Variants in BMPR1A observed in about 807,000 individuals in gnomAD.
BMPR1A encodes the protein bone morphogenetic protein receptor type-1A.
Under a neutral mutation model 66.0 loss-of-function variants are expected in BMPR1A, and 7 were observed. That is an observed-to-expected ratio of 0.11 (90% CI 0.06 to 0.20). The LOEUF is 0.20. Ranked by LOEUF, BMPR1A falls within the 10% of genes least tolerant of loss-of-function variation. The pLI is 1.00. For synonymous variants in BMPR1A, 200 were observed against 229.7 expected, an observed-to-expected ratio of 0.87 and a Z score of 1.17; for missense variants, 408 against 669.1, an observed-to-expected ratio of 0.61 and a Z score of 4.31.
intron 3 of BMPR1A, among the ~76,000 whole-genome samples, chr10:86,876,559 G>A (rs902657971): frequency 3.3e-5 from 5 of 152,100 alleles, no homozygotes; most frequent in Admixed American, 6.6e-5. Flanking sequence ...CGAGGTGGGC[G>A]GATCATGAGG....
At chr10:86,882,762 C>T (rs1281081590) in intron 3 of BMPR1A, among the ~76,000 whole-genome samples, 2 of 151,166 alleles carry the variant, frequency 1.3e-5, no homozygotes, top group Non-Finnish European at 2.9e-5. Context: ...GTCAGGAGTT[C>T]GAGACCAGCC....
intron 3 of BMPR1A, among the ~76,000 whole-genome samples, chr10:86,883,632 G>A (rs766601848): frequency 2.7e-5 from 4 of 150,390 alleles, no homozygotes; most frequent in South Asian, 4.2e-4. Context: ...TTAGCCGGGC[G>A]TGGTGGCAGG....
intron 7 of BMPR1A, among the ~76,000 whole-genome samples, chr10:86,901,000 C>T (rs949092166): frequency 6.6e-6 from 1 of 152,242 alleles, no homozygotes; most frequent in Admixed American, 6.5e-5. Flanking sequence ...GCAAAAGTGA[C>T]TTCCAAGTCT....
At chr10:86,853,135 C>T (rs868297200) in intron 2 of BMPR1A, among the ~76,000 whole-genome samples, 6 of 152,062 alleles carry the variant, frequency 3.9e-5, no homozygotes, top group East Asian at 3.9e-4. Context: ...ACAATTTAAA[C>T]GTCAATTTTC....
rs528806191 is a variant in BMPR1A, at chr10:86,776,879, A to G, written c.-268+19960A>G. Among the ~76,000 whole-genome samples, 17 of 152,132 alleles carry G rather than the reference A, an allele frequency of 1.1e-4. No homozygotes were observed. In the East Asian group the frequency reaches 3.3e-3, roughly 29 times the overall value. ...TGACTTCCTGCAAAGTTTCCACCCTACCTCAGCTATCATGGTCATACCCCA... is the reference window on the plus strand; with the variant it reads ...TGACTTCCTGCAAAGTTTCCACCCTGCCTCAGCTATCATGGTCATACCCCA... On this transcript the variant is annotated intron_variant, in intron 1 of 12. Coordinates refer to ENST00000372037, the MANE Select transcript of BMPR1A (RefSeq NM_004329.3).
At position 86,926,180 on chromosome 10, in the gene BMPR1A, G is replaced by T. The variant is rs772082711; in HGVS notation, c.*2461G>T. 2.4e-4 allele frequency: 40 copies of T among 163,936 alleles called. No homozygotes were observed. Among genetic ancestry groups the T allele is most frequent in the Non-Finnish European group, 4.8e-4 (36 of 74,836 alleles). 10.2% of individuals were successfully genotyped at this position (163,936 alleles called of 1,614,324 possible). A position where few individuals can be genotyped will look rare whatever the true frequency, so the allele number is the denominator to read the frequency against. Reference sequence around the variant, plus strand: ...ACTTGCTCAGTAAAAACATTTTCTAGTATAACATGTTCTTTAAAAAGCAAA... The same window carrying T: ...ACTTGCTCAGTAAAAACATTTTCTATTATAACATGTTCTTTAAAAAGCAAA... On this transcript the variant is annotated 3_prime_UTR_variant, in exon 13 of 13. Transcript: ENST00000372037.
At chr10:86,826,058 C>G (rs1284261337) in intron 1 of BMPR1A, among the ~76,000 whole-genome samples, 4 of 152,150 alleles carry the variant, frequency 2.6e-5, no homozygotes, top group Non-Finnish European at 5.9e-5. Flanking sequence ...CACTTGCTAA[C>G]GTTTGCCTCA....
At chr10:86,766,353 T>C (rs1841162538) in intron 1 of BMPR1A, among the ~76,000 whole-genome samples, 1 of 152,198 alleles carries the variant, frequency 6.6e-6, no homozygotes, top group East Asian at 1.9e-4. Context: ...ATACCTTAAT[T>C]TTACTTACCA....
chr10:86,920,451 A>G (rs938980750), intron 10 of BMPR1A, among the ~76,000 whole-genome samples: 6 of 152,188 alleles, frequency 3.9e-5, no homozygotes, highest in African/African-American at 1.4e-4. Flanking sequence ...GTAATTCTAG[A>G]ATGGAGTGGC....
At chr10:86,892,091 T>A (rs771974755) in intron 4 of BMPR1A, 36 bp from the exon 5 acceptor site, 1 of 1,542,580 alleles carries the variant, frequency 6.5e-7, no homozygotes. Flanking sequence ...CTATGTGAAT[T>A]TATGTTTTGT....
intron 1 of BMPR1A, among the ~76,000 whole-genome samples, chr10:86,781,268 C>T (rs565067338): frequency 1.3e-5 from 2 of 152,310 alleles, no homozygotes; most frequent in African/African-American, 4.8e-5. Flanking sequence ...TTTTTCCCAG[C>T]ACCATTTATT....
intron 4 of BMPR1A, among the ~76,000 whole-genome samples, chr10:86,891,856 T>C (rs1433017359): frequency 6.6e-6 from 1 of 152,234 alleles, no homozygotes; most frequent in East Asian, 1.9e-4. Context: ...CAAAGAGAAG[T>C]CACATAACTC....
intron 1 of BMPR1A, among the ~76,000 whole-genome samples, chr10:86,765,878 T>G (rs578148073): frequency 6.6e-6 from 1 of 152,298 alleles, no homozygotes; most frequent in African/African-American, 2.4e-5. Flanking sequence ...TCTTTTTTTC[T>G]GTCCCCATTT....
intron 3 of BMPR1A, chr10:86,889,488 C>T (rs980768536): frequency 6.6e-6 from 1 of 152,540 alleles, no homozygotes; most frequent in Non-Finnish European, 1.5e-5. Flanking sequence ...CATAACTTGT[C>T]TCTATTTAAT....
In BMPR1A at chr10:86,756,833, C is replaced by G. The variant is rs1394183586; in HGVS notation, c.-354C>G. The G allele has an allele frequency of 3.3e-5, 5 of 151,550 alleles. No homozygotes were observed. Among genetic ancestry groups the G allele is most frequent in the Non-Finnish European group, 7.4e-5 (5 of 67,894 alleles). 9.4% of individuals were successfully genotyped at this position (151,550 alleles called of 1,614,324 possible). ...GGCCGCTGCACGCCAAGGGCGAAGG[C>G]CGATTCGGGCCCCACTTCGCCCCGG... On this transcript the variant is annotated 5_prime_UTR_variant, in exon 1 of 13. Transcript: ENST00000372037.
chr10:86,832,445 G>A (rs1190899121), intron 1 of BMPR1A, among the ~76,000 whole-genome samples: 2 of 145,894 alleles, frequency 1.4e-5, no homozygotes, highest in African/African-American at 2.5e-5. Context: ...CAGCCTGGGC[G>A]ACAAGAGCGA....
intron 1 of BMPR1A, among the ~76,000 whole-genome samples, chr10:86,761,750 G>A (rs543533882): frequency 2.0e-5 from 3 of 152,212 alleles, no homozygotes; most frequent in South Asian, 4.1e-4. Flanking sequence ...GCGATAACTA[G>A]CGTGGATGAG....
At chr10:86,919,050 C>G in intron 9 of BMPR1A, 122 bp from the exon 10 acceptor site, 1 of 1,039,608 alleles carries the variant, frequency 9.6e-7, no homozygotes, top group Non-Finnish European at 1.5e-6. Context: ...TGGTGTCAGG[C>G]GAATTAAAGT....
At chr10:86,918,044 C>T (rs1259683902) in intron 9 of BMPR1A, among the ~76,000 whole-genome samples, 1 of 152,176 alleles carries the variant, frequency 6.6e-6, no homozygotes, top group Non-Finnish European at 1.5e-5. Flanking sequence ...CCTCCTCTGG[C>T]TACTGGTTGG....
Sources: gnomAD v4.1 joint callset for allele counts (sites outside exome capture counted in the v4.1 genomes callset) on GRCh38, gnomAD v4.1.1 for gene constraint, MANE v1.5 for transcripts, NCBI Gene and HGNC (gene_info 2026-07-23, HGNC 2026-07-21) for gene names.